CFAP47: variants seen among roughly 807,000 people sequenced by gnomAD.
CFAP47 encodes the protein cilia and flagella associated protein 47.
CFAP47 carries 29 observed loss-of-function variants against 148.1 expected under a neutral mutation model. The ratio of observed to expected loss-of-function variants is 0.20; its 90% CI spans 0.15 to 0.27. CFAP47 has a LOEUF of 0.27. Ranked by LOEUF, CFAP47 falls within the 10% of genes least tolerant of loss-of-function variation. CFAP47 has a pLI of 1.00. For synonymous variants in CFAP47, 664 were observed against 577.3 expected (o/e 1.15, Z -2.15); for missense variants, 1,872 against 1,697.5 (o/e 1.10, Z -1.81).
chrX:35,953,570 A>G, intron 6 of CFAP47, 22 bp from the exon 7 acceptor site: 8 of 1,157,235 alleles, frequency 6.9e-6, no homozygotes, highest in Admixed American at 2.5e-5. Context: ...TTTAAAAATA[A>G]CTCATTGTGA....
At chrX:36,211,675 G>A (rs1324796311) in intron 45 of CFAP47, 1 of 190,958 alleles carries the variant, frequency 5.2e-6, no homozygotes, top group Non-Finnish European at 1.0e-5. Flanking sequence ...AGAAAGAAGA[G>A]GAGGAAGATG....
intron 45 of CFAP47, chrX:36,211,500 G>T: frequency 3.4e-6 from 1 of 290,639 alleles, no homozygotes; most frequent in Non-Finnish European, 6.4e-6. Context: ...AAAGAAACTG[G>T]GAGGAATGTG....
rs782274099 is a variant in CFAP47, at chrX:36,192,085, G to A, written c.6321+1889G>A. 3.6e-5 allele frequency among the ~76,000 whole-genome samples: 4 copies of A among 111,426 alleles called. No homozygotes were observed. The Admixed American group carries it at 3.8e-4, about 11-fold the overall frequency. On this transcript the variant is annotated intron_variant, in intron 42 of 63. Coordinates refer to ENST00000378653, the MANE Select transcript of CFAP47 (RefSeq NM_001304548.2). Reference sequence around the variant, plus strand: ...AAATTGAAACATTGCTACCAACACTGTTACGAAGCAAAGACTATTTCTTTC... The same window carrying A: ...AAATTGAAACATTGCTACCAACACTATTACGAAGCAAAGACTATTTCTTTC...
At chrX:36,219,762 C>A (rs1251385289) in intron 45 of CFAP47, among the ~76,000 whole-genome samples, 1 of 111,323 alleles carries the variant, frequency 9.0e-6, no homozygotes, top group Non-Finnish European at 1.9e-5. Flanking sequence ...CTCCCCTCTT[C>A]GAGTTGTCCC....
intron 62 of CFAP47, among the ~76,000 whole-genome samples, chrX:36,371,705 T>TGC (rs1491428765): frequency 1.5e-5 from 1 of 67,910 alleles, no homozygotes; most frequent in African/African-American, 7.0e-5. Context: ...CACACATGTG[T>TGC]ATATATGTGT....
intron 33 of CFAP47, among the ~76,000 whole-genome samples, chrX:36,124,514 G>T (rs66529462): frequency 9.0e-6 from 1 of 110,552 alleles, no homozygotes; most frequent in African/African-American, 3.3e-5. Flanking sequence ...CTGGTCATCA[G>T]CTGAGTTCAG....
At chrX:36,220,980 A>C (rs782339724) in intron 45 of CFAP47, among the ~76,000 whole-genome samples, 1 of 111,900 alleles carries the variant, frequency 8.9e-6, no homozygotes, top group South Asian at 3.7e-4. Context: ...GTGAACTATC[A>C]CTCATGAGTA....
chrX:36,118,972 A>G (rs1427477248), intron 33 of CFAP47, among the ~76,000 whole-genome samples: 1 of 111,811 alleles, frequency 8.9e-6, no homozygotes, highest in Non-Finnish European at 1.9e-5. Context: ...AGTTTTTTTG[A>G]GGAATCTTTA....
chrX:36,314,929 A>G (rs782365474), intron 56 of CFAP47, among the ~76,000 whole-genome samples: 1 of 111,601 alleles, frequency 9.0e-6, no homozygotes, highest in South Asian at 3.8e-4. Flanking sequence ...GGGTTGGGGG[A>G]AAACTGGAAT....
chrX:36,086,973 C>T (rs59619198), intron 30 of CFAP47, among the ~76,000 whole-genome samples: 1 of 111,561 alleles, frequency 9.0e-6, no homozygotes, highest in Non-Finnish European at 1.9e-5. Context: ...GACAGAAGAT[C>T]CCCATCTCAG....
chrX:35,994,629 A>G (rs1039958639), intron 18 of CFAP47, among the ~76,000 whole-genome samples: 5 of 111,526 alleles, frequency 4.5e-5, no homozygotes, highest in Non-Finnish European at 9.4e-5. Context: ...TATAAATTAT[A>G]TATTATGATA....
chrX:36,379,473 A>C lies in CFAP47; in HGVS notation c.9309A>C (p.Lys3103Asn). The C allele has an allele frequency of 8.6e-7, 1 of 1,163,957 alleles. No individual in the cohort carries two copies. Among genetic ancestry groups the C allele is most frequent in the Non-Finnish European group, 1.2e-6 (1 of 869,351 alleles). Reference protein sequence around the residue: ...TNGTLITVGFKPKMYCRKYKA... With the variant: ...TNGTLITVGFNPKMYCRKYKA... Reference sequence around the variant, plus strand: ...GAACTCTCATCACTGTAGGATTTAAACCTAAAATGTACTGTAGGAAATATA... The same window carrying C: ...GAACTCTCATCACTGTAGGATTTAACCCTAAAATGTACTGTAGGAAATATA... The change falls in exon 63 of 64, where the codon AAA (lysine) becomes AAC (asparagine). Residue 3103 changes from lysine to asparagine, a missense_variant. By Grantham distance (94) the Lys-to-Asn change is moderately conservative. Coordinates refer to ENST00000378653, the MANE Select transcript of CFAP47 (RefSeq NM_001304548.2).
At chrX:36,114,800 C>T (rs1270566518) in intron 33 of CFAP47, among the ~76,000 whole-genome samples, 1 of 111,312 alleles carries the variant, frequency 9.0e-6, no homozygotes, top group African/African-American at 3.3e-5. Context: ...TGAAGGCTTT[C>T]ATAGTGCAGT....
intron 2 of CFAP47, among the ~76,000 whole-genome samples, chrX:35,938,138 G>C (rs969409994): frequency 1.8e-5 from 2 of 111,688 alleles, no homozygotes; most frequent in Non-Finnish European, 3.8e-5. Flanking sequence ...AATGTATCCA[G>C]TAGAATGAAA....
Position 35,925,666 on chromosome X carries a change from T to G in CFAP47, c.250-351T>G, listed in dbSNP as rs1230510457. On this transcript the variant is annotated intron_variant, in intron 1 of 63. Transcript: ENST00000378653. ...ATAGTTGCTAACGTTATTTATTTAT[T>G]TATTTTTTGAGACCGAGTCTTGCTC... 2.7e-5 allele frequency among the ~76,000 whole-genome samples: 3 copies of G among 112,400 alleles called. No individual in the cohort carries two copies. In the East Asian group the frequency reaches 8.4e-4, roughly 31 times the overall value.
chrX:35,924,165 A>ATGTG (rs1935661773), intron 1 of CFAP47, among the ~76,000 whole-genome samples: 1 of 102,742 alleles, frequency 9.7e-6, no homozygotes, highest in African/African-American at 3.8e-5. Flanking sequence ...ATATATGTAT[A>ATGTG]TATGTACATG....
chrX:36,167,600 A>G (rs1405850782), intron 39 of CFAP47, among the ~76,000 whole-genome samples: 1 of 111,504 alleles, frequency 9.0e-6, no homozygotes, highest in Non-Finnish European at 1.9e-5. Context: ...GCGCTTGCCC[A>G]GAACCTAGCC....
At chrX:36,251,206 T>C (rs1288301571) in intron 48 of CFAP47, 127 bp from the exon 49 acceptor site, 1 of 280,127 alleles carries the variant, frequency 3.6e-6, no homozygotes, top group African/African-American at 2.8e-5. Context: ...AATGATTTTA[T>C]TGGGGGTATT....
At chrX:35,958,311 G>A (rs1309619479) in intron 8 of CFAP47, among the ~76,000 whole-genome samples, 1 of 111,361 alleles carries the variant, frequency 9.0e-6, no homozygotes, top group Non-Finnish European at 1.9e-5. Flanking sequence ...TCCACCTTTT[G>A]GCTGTAATGA....
Sources: allele counts gnomAD v4.1 joint callset (sites outside exome capture counted in the v4.1 genomes callset), GRCh38; gene constraint gnomAD v4.1.1; transcripts MANE v1.5; gene names NCBI Gene and HGNC (gene_info 2026-07-23, HGNC 2026-07-21).